Variants in CREB5 observed in about 807,000 individuals in gnomAD.
The protein encoded by CREB5 is cyclic AMP-responsive element-binding protein 5.
Under a neutral mutation model 57.1 loss-of-function variants are expected in CREB5, and 19 were observed. That is an observed-to-expected ratio of 0.33 (90% CI 0.23 to 0.49). The LOEUF (loss-of-function observed/expected upper bound fraction) is 0.49, where lower values mean the gene tolerates loss of function less well. Ranked by LOEUF, CREB5 falls within the 20% of genes least tolerant of loss-of-function variation. The pLI is 0.99. For synonymous variants in CREB5, 238 were observed against 238.3 expected (o/e 1.00, Z 0.01); for missense variants, 579 against 671.6 (o/e 0.86, Z 1.52).
At chr7:28,540,901 C>T (rs1794181891) in intron 4 of CREB5, among the ~76,000 whole-genome samples, 1 of 152,118 alleles carries the variant, frequency 6.6e-6, no homozygotes, top group African/African-American at 2.4e-5. Flanking sequence ...ACATGGAGTC[C>T]ACCTGCTGAA....
At chr7:28,670,277 G>T (rs969340606) in intron 5 of CREB5, among the ~76,000 whole-genome samples, 4 of 152,166 alleles carry the variant, frequency 2.6e-5, no homozygotes, top group Non-Finnish European at 5.9e-5. Flanking sequence ...TGTGATAAAA[G>T]CTATGTGAAG....
chr7:28,792,517 G>T (rs1807776791), intron 7 of CREB5, among the ~76,000 whole-genome samples: 1 of 152,178 alleles, frequency 6.6e-6, no homozygotes, highest in Non-Finnish European at 1.5e-5. Flanking sequence ...GGTTGGAAAT[G>T]CTGTGCACTG....
intron 7 of CREB5, 74 bp from the exon 8 acceptor site, chr7:28,804,125 T>C: frequency 1.4e-6 from 2 of 1,390,102 alleles, no homozygotes; most frequent in Non-Finnish European, 2.0e-6. Flanking sequence ...ATGTGAGTCA[T>C]TTTGCTTTTA....
intron 1 of CREB5, among the ~76,000 whole-genome samples, chr7:28,453,440 AAAC>A (rs762858279): frequency 1.3e-4 from 20 of 152,302 alleles, no homozygotes; most frequent in South Asian, 4.1e-4. Context: ...CCCTGTCTCA[AAAC>A]AACAACAACA....
chr7:28,322,662 G>A lies in CREB5; in HGVS notation c.-25+23221G>A, dbSNP rs1219480667. On this transcript the variant is annotated intron_variant, in intron 1 of 9. Transcript: ENST00000396299. ...CTCCCTGTCTCCACATGTTCTCATT[G>A]TTCAATTCCTACTTGTAAGTGAGAA... Among the ~76,000 whole-genome samples the A allele has an allele frequency of 3.5e-5, 5 of 143,338 alleles. No homozygotes were observed. The East Asian group carries it at 1.1e-3, about 31-fold the overall frequency. 94.0% of individuals were successfully genotyped at this position (143,338 alleles called of 152,430 possible).
rs1399175656 is a variant in CREB5, at chr7:28,825,799, A to G, written c.*6520A>G. ...CTGTTCAACTAGGTCAGATTTTTAC[A>G]TCTCTTTCTAGCAAGAAGAGACAAG... On this transcript the variant is annotated 3_prime_UTR_variant, in exon 11 of 11. Transcript: ENST00000357727. 1 of 152,666 alleles carries G rather than the reference A, an allele frequency of 6.6e-6. No homozygotes were observed. The highest frequency in any genetic ancestry group is 2.4e-5 in the African/African-American group (1 of 41,464). 9.5% of individuals were successfully genotyped at this position (152,666 alleles called of 1,614,324 possible).
At chr7:28,584,838 G>T (rs191635564) in intron 5 of CREB5, among the ~76,000 whole-genome samples, 23 of 151,778 alleles carry the variant, frequency 1.5e-4, no homozygotes, top group Admixed American at 5.2e-4. Context: ...CAGATGTGGG[G>T]GATAAATACA....
intron 5 of CREB5, among the ~76,000 whole-genome samples, chr7:28,659,178 A>G (rs1799491884): frequency 6.6e-6 from 1 of 151,766 alleles, no homozygotes; most frequent in Non-Finnish European, 1.5e-5. Flanking sequence ...TTTCTTATTT[A>G]TTAGGGATGC....
chr7:28,536,211 T>C (rs216721), intron 4 of CREB5, among the ~76,000 whole-genome samples: 103,384 of 152,092 alleles, frequency 0.68, 35,217 homozygotes, highest in South Asian at 0.76. Context: ...TGTTTAGTTT[T>C]CTCTTTCTAT....
At chr7:28,600,975 T>G (rs1453858320) in intron 5 of CREB5, among the ~76,000 whole-genome samples, 4 of 152,180 alleles carry the variant, frequency 2.6e-5, no homozygotes, top group Non-Finnish European at 5.9e-5. Flanking sequence ...AATATGAGTT[T>G]CATGTATTTT....
chr7:28,601,790 T>G (rs1303903652), intron 5 of CREB5, among the ~76,000 whole-genome samples: 1 of 152,202 alleles, frequency 6.6e-6, no homozygotes, highest in Non-Finnish European at 1.5e-5. Context: ...GATTGTTAAT[T>G]CAGTTCTTCT....
intron 7 of CREB5, among the ~76,000 whole-genome samples, chr7:28,755,976 GAAC>G (rs1805273518): frequency 6.6e-6 from 1 of 152,118 alleles, no homozygotes; most frequent in Admixed American, 6.6e-5. Context: ...CGGGCATAAA[GAAC>G]AATACAATGT....
Position 28,819,972 on chromosome 7 carries a change from T to A in CREB5, c.*693T>A, listed in dbSNP as rs1809667554. 1.3e-5 allele frequency: 2 copies of A among 150,486 alleles called. No individual in the cohort carries two copies. The highest frequency in any genetic ancestry group is 6.6e-5 in the Admixed American group (1 of 15,082). 9.3% of individuals were successfully genotyped at this position (150,486 alleles called of 1,614,324 possible). A position where few individuals can be genotyped will look rare whatever the true frequency, so the allele number is the denominator to read the frequency against. On this transcript the variant is annotated 3_prime_UTR_variant, in exon 11 of 11. Transcript: ENST00000357727. Reference sequence around the variant, plus strand: ...TTATTTTTTTCCCTTTAGCATTGCATGTGAATAAGAAAATAATGTTTAAAG... The same window carrying A: ...TTATTTTTTTCCCTTTAGCATTGCAAGTGAATAAGAAAATAATGTTTAAAG...
At chr7:28,574,169 A>G (rs1164970585) in intron 5 of CREB5, among the ~76,000 whole-genome samples, 1 of 152,198 alleles carries the variant, frequency 6.6e-6, no homozygotes, top group African/African-American at 2.4e-5. Context: ...TCCCAGATGG[A>G]AAAAAAGAGT....
intron 1 of CREB5, among the ~76,000 whole-genome samples, chr7:28,313,174 G>A (rs958579486): frequency 1.3e-5 from 2 of 152,094 alleles, no homozygotes; most frequent in African/African-American, 2.4e-5. Flanking sequence ...GATACTGCTC[G>A]TCTGGGCACC....
At chr7:28,325,484 A>G in intron 1 of CREB5, among the ~76,000 whole-genome samples, 1 of 152,000 alleles carries the variant, frequency 6.6e-6, no homozygotes, top group East Asian at 1.9e-4. Context: ...AAATCAAACC[A>G]TGCTTAAACC....
intron 5 of CREB5, among the ~76,000 whole-genome samples, chr7:28,613,363 G>A (rs571238851): frequency 2.6e-5 from 4 of 152,344 alleles, no homozygotes; most frequent in East Asian, 3.9e-4. Flanking sequence ...GAAGGCAGAA[G>A]CCTGAGTGGG....
intron 5 of CREB5, among the ~76,000 whole-genome samples, chr7:28,655,203 C>G (rs918001235): frequency 6.6e-6 from 1 of 152,128 alleles, no homozygotes; most frequent in African/African-American, 2.4e-5. Context: ...GTGTGAGGCA[C>G]CATCCTGTTT....
chr7:28,304,064 G>A (rs1427288346), intron 1 of CREB5, among the ~76,000 whole-genome samples: 1 of 152,086 alleles, frequency 6.6e-6, no homozygotes, highest in East Asian at 1.9e-4. Context: ...ATTAAACAGT[G>A]TTATTCTAGT....
Sources: gnomAD v4.1 joint callset for allele counts (sites outside exome capture counted in the v4.1 genomes callset) on GRCh38, gnomAD v4.1.1 for gene constraint, MANE v1.5 for transcripts, NCBI Gene and HGNC (gene_info 2026-07-23, HGNC 2026-07-21) for gene names.